ROBO1: variants seen among roughly 807,000 people sequenced by gnomAD.
ROBO1 encodes the protein roundabout homolog 1.
In ROBO1, 149 loss-of-function variants were observed where a neutral mutation model predicts 195.9. The ratio of observed to expected loss-of-function variants is 0.76; its 90% CI spans 0.67 to 0.87. The LOEUF (loss-of-function observed/expected upper bound fraction) is 0.87. ROBO1 is among the 40% of genes least tolerant of loss of function. The probability of loss-of-function intolerance (pLI) is 0.00; values close to 1 mark genes in which losing one functional copy is unlikely to be tolerated. For missense variants in ROBO1, 1,933 were observed against 2,068.3 expected (o/e 0.93, Z 1.27); for synonymous variants, 816 against 733.2 (o/e 1.11, Z -1.82).
chr3:79,210,018 C>T (rs1474962874), intron 2 of ROBO1, among the ~76,000 whole-genome samples: 1 of 152,100 alleles, frequency 6.6e-6, no homozygotes, highest in Non-Finnish European at 1.5e-5. Flanking sequence ...CAAAAGATCT[C>T]TACAAGGAAA....
At chr3:78,832,296 A>T (rs2032297739) in intron 4 of ROBO1, among the ~76,000 whole-genome samples, 1 of 152,146 alleles carries the variant, frequency 6.6e-6, no homozygotes, top group African/African-American at 2.4e-5. Flanking sequence ...TTTCCTTTCT[A>T]AACTCAAAAT....
chr3:79,574,582 C>T (rs1169373550), intron 2 of ROBO1, among the ~76,000 whole-genome samples: 1 of 151,814 alleles, frequency 6.6e-6, no homozygotes, highest in African/African-American at 2.4e-5. Context: ...TTGTAGTCAT[C>T]TTTACTTTTA....
intron 3 of ROBO1, among the ~76,000 whole-genome samples, chr3:78,957,869 T>C (rs2041128612): frequency 6.6e-6 from 1 of 152,216 alleles, no homozygotes; most frequent in Non-Finnish European, 1.5e-5. Context: ...TGATTATTTT[T>C]AAGCATGTGT....
chr3:79,492,425 C>CAAAAA lies in ROBO1; in HGVS notation c.88+97398_88+97399insTTTTT, dbSNP rs745481519. ...GGGCAATAAGAGTGAGACTCTGTTT[C>CAAAAA]AGAAAAAAAAAAAAAAAAAAAGAGA... is the stretch of plus-strand genomic sequence containing the variant. On this transcript the variant is annotated intron_variant, in intron 2 of 30. Transcript: ENST00000464233. Among the ~76,000 whole-genome samples the CAAAAA allele has an allele frequency of 3.5e-5, 3 of 85,674 alleles. 1 individual carries two copies. The highest frequency in any genetic ancestry group is 1.8e-4 in the African/African-American group (3 of 17,056). 56.2% of individuals were successfully genotyped at this position (85,674 alleles called of 152,430 possible).
At chr3:79,243,740 A>T (rs1369796730) in intron 2 of ROBO1, among the ~76,000 whole-genome samples, 1 of 152,204 alleles carries the variant, frequency 6.6e-6, no homozygotes, top group South Asian at 2.1e-4. Context: ...GCCCTTTGTC[A>T]GATGAGTAGA....
intron 3 of ROBO1, among the ~76,000 whole-genome samples, chr3:79,058,121 A>T (rs1412623147): frequency 6.6e-6 from 1 of 152,028 alleles, no homozygotes; most frequent in Non-Finnish European, 1.5e-5. Flanking sequence ...AAACCTGGGG[A>T]AAACCATGCC....
intron 3 of ROBO1, among the ~76,000 whole-genome samples, chr3:79,106,886 G>A (rs190145559): frequency 2.6e-5 from 4 of 151,616 alleles, no homozygotes; most frequent in African/African-American, 9.7e-5. Flanking sequence ...AGCTATAAAT[G>A]TGTCCCCTTC....
intron 1 of ROBO1, among the ~76,000 whole-genome samples, chr3:79,725,024 C>G (rs1702854284): frequency 6.6e-6 from 1 of 152,100 alleles, no homozygotes. Context: ...AGATGATTCT[C>G]TTTCCAGTAC....
chr3:79,326,187 A>G (rs2034203861), intron 2 of ROBO1, among the ~76,000 whole-genome samples: 1 of 152,134 alleles, frequency 6.6e-6, no homozygotes. Context: ...CTTCATTAGC[A>G]ATTTTAATTT....
At chr3:78,961,696 T>C (rs550528622) in intron 3 of ROBO1, among the ~76,000 whole-genome samples, 1 of 152,316 alleles carries the variant, frequency 6.6e-6, no homozygotes, top group African/African-American at 2.4e-5. Flanking sequence ...TACAGTCTGT[T>C]CCAGAATGTG....
At chr3:78,980,326 A>T (rs1295884875) in intron 3 of ROBO1, among the ~76,000 whole-genome samples, 1 of 152,168 alleles carries the variant, frequency 6.6e-6, no homozygotes, top group African/African-American at 2.4e-5. Context: ...AAAAACATCC[A>T]TACGAACAAC....
chr3:79,438,549 G>A (rs1423750666), intron 2 of ROBO1, among the ~76,000 whole-genome samples: 2 of 151,866 alleles, frequency 1.3e-5, no homozygotes, highest in East Asian at 3.8e-4. Context: ...TCTGGCATAT[G>A]GCCACTGATA....
chr3:79,222,716 C>T (rs1025931828), intron 2 of ROBO1, among the ~76,000 whole-genome samples: 18 of 151,518 alleles, frequency 1.2e-4, no homozygotes, highest in African/African-American at 4.1e-4. Flanking sequence ...ATTTATGTTT[C>T]TAAATACAAT....
Position 78,668,473 on chromosome 3 carries a change from A to T in ROBO1, c.1630+11T>A, listed in dbSNP as rs762309027. 3.1e-6 allele frequency: 5 copies of T among 1,613,420 alleles called. No homozygotes were observed. Among genetic ancestry groups the T allele is most frequent in the Non-Finnish European group, 4.2e-6 (5 of 1,179,466 alleles). On this transcript the variant is annotated intron_variant, in intron 12 of 30. Transcript: ENST00000464233. ...AGCTTCACTTTAAGGGAAACACACC[A>T]TTTACTTTACCTTGAACTTCAATGT... is the stretch of plus-strand genomic sequence containing the variant.
At chr3:78,828,298 T>C (rs933522067) in intron 4 of ROBO1, among the ~76,000 whole-genome samples, 8 of 152,206 alleles carry the variant, frequency 5.3e-5, no homozygotes, top group Non-Finnish European at 1.0e-4. Flanking sequence ...AATGTAGTTT[T>C]ATCTTGTCTA....
At chr3:79,479,032 A>G (rs1938689952) in intron 2 of ROBO1, among the ~76,000 whole-genome samples, 1 of 152,228 alleles carries the variant, frequency 6.6e-6, no homozygotes, top group African/African-American at 2.4e-5. Flanking sequence ...AGAATCTGAG[A>G]GTCACGCTGT....
intron 4 of ROBO1, among the ~76,000 whole-genome samples, chr3:78,928,535 T>G (rs938698676): frequency 9.2e-5 from 14 of 152,196 alleles, no homozygotes; most frequent in Non-Finnish European, 5.9e-5. Context: ...AGGGCTACTT[T>G]GCGTGATTTA....
intron 3 of ROBO1, among the ~76,000 whole-genome samples, chr3:79,006,548 T>C (rs1576551544): frequency 6.6e-6 from 1 of 152,074 alleles, no homozygotes; most frequent in Non-Finnish European, 1.5e-5. Context: ...TACCCATATT[T>C]ATTGGTTAGG....
At chr3:79,695,077 T>C (rs901819924) in intron 1 of ROBO1, among the ~76,000 whole-genome samples, 2 of 151,616 alleles carry the variant, frequency 1.3e-5, no homozygotes, top group Non-Finnish European at 3.0e-5. Flanking sequence ...AATATACTGA[T>C]TACATTCAAG....
Sources: gnomAD v4.1 joint callset for allele counts (sites outside exome capture counted in the v4.1 genomes callset) on GRCh38, gnomAD v4.1.1 for gene constraint, MANE v1.5 for transcripts, NCBI Gene and HGNC (gene_info 2026-07-23, HGNC 2026-07-21) for gene names.